The following LHPP variants were observed in gnomAD, a reference collection of about 807,000 sequenced individuals.
LHPP encodes the protein hLHPP.
LHPP carries 24 observed loss-of-function variants against 30.3 expected under a neutral mutation model. The ratio of observed to expected loss-of-function variants is 0.79; its 90% CI spans 0.57 to 1.11. The LOEUF (loss-of-function observed/expected upper bound fraction) is 1.11, where lower values mean the gene tolerates loss of function less well. Ranked by LOEUF, LHPP falls within the 50% of genes most tolerant of loss-of-function variation. The pLI, the probability that LHPP is intolerant of heterozygous loss-of-function variation, is 0.00. For missense variants in LHPP, 356 were observed against 367.2 expected (o/e 0.97, Z 0.25); for synonymous variants, 150 against 157.1 (o/e 0.95, Z 0.34).
intron 5 of LHPP, among the ~76,000 whole-genome samples, chr10:124,502,444 A>G (rs1589801487): frequency 6.6e-6 from 1 of 151,508 alleles, no homozygotes; most frequent in South Asian, 2.1e-4. Flanking sequence ...AGCTCACTGC[A>G]AGCTCCGCCT....
chr10:124,554,582 A>G (rs1313450689), intron 6 of LHPP, among the ~76,000 whole-genome samples: 1 of 152,234 alleles, frequency 6.6e-6, no homozygotes, highest in African/African-American at 2.4e-5. Flanking sequence ...CCACTGCTTC[A>G]TTAATGCTGC....
chr10:124,504,591 C>A (rs1465538743), intron 5 of LHPP, among the ~76,000 whole-genome samples: 4 of 143,356 alleles, frequency 2.8e-5, no homozygotes, highest in Non-Finnish European at 6.0e-5. Flanking sequence ...CTGAGCGAGA[C>A]CCTGTCTCAA....
intron 6 of LHPP, among the ~76,000 whole-genome samples, chr10:124,565,393 C>T (rs1337142740): frequency 2.0e-5 from 3 of 152,158 alleles, no homozygotes; most frequent in Non-Finnish European, 4.4e-5. Flanking sequence ...CCGTGCAGGC[C>T]ATAGTCCCCA....
chr10:124,515,023 G>C (rs947573587), intron 5 of LHPP, among the ~76,000 whole-genome samples: 1 of 151,702 alleles, frequency 6.6e-6, no homozygotes, highest in South Asian at 2.1e-4. Flanking sequence ...GCTGGCCTTG[G>C]ACTCCTGGGC....
chr10:124,559,297 C>G (rs1948354020), intron 6 of LHPP, among the ~76,000 whole-genome samples: 1 of 152,242 alleles, frequency 6.6e-6, no homozygotes, highest in Non-Finnish European at 1.5e-5. Flanking sequence ...CTGAGTTGGC[C>G]TGGATATTGG....
In LHPP at chr10:124,488,412, C is replaced by G. The variant is rs200898551; in HGVS notation, c.314-10C>G. 3.1e-5 allele frequency: 50 copies of G among 1,613,622 alleles called. No homozygotes were observed. The African/African-American group carries it at 5.1e-4, about 16-fold the overall frequency. On this transcript the variant is annotated splice_polypyrimidine_tract_variant and intron_variant, in intron 2 of 6. Coordinates refer to ENST00000368842, the MANE Select transcript of LHPP (RefSeq NM_022126.4). ...GCTCCGTGGCACTCTGTCTCTCTCTCTCTTTCCAGGAGTCCGCTCAGAATT... is the reference window on the plus strand; with the variant it reads ...GCTCCGTGGCACTCTGTCTCTCTCTGTCTTTCCAGGAGTCCGCTCAGAATT...
intron 6 of LHPP, among the ~76,000 whole-genome samples, chr10:124,519,231 A>G (rs557579758): frequency 9.8e-5 from 15 of 152,312 alleles, no homozygotes; most frequent in African/African-American, 3.6e-4. Flanking sequence ...TATACGCGTG[A>G]GCCACCGCGC....
chr10:124,544,757 C>T (rs1221923012), intron 6 of LHPP, among the ~76,000 whole-genome samples: 2 of 152,194 alleles, frequency 1.3e-5, no homozygotes, highest in South Asian at 2.1e-4. Flanking sequence ...GCCCCCGTCA[C>T]GGGACCTCAC....
chr10:124,608,623 G>GT (rs1398191825), intron 6 of LHPP, among the ~76,000 whole-genome samples: 3 of 152,334 alleles, frequency 2.0e-5, no homozygotes, highest in East Asian at 1.9e-4. Context: ...GCAGAGAGGT[G>GT]TTTTGCCAGG....
At chr10:124,610,323 C>T (rs868121583) in intron 6 of LHPP, among the ~76,000 whole-genome samples, 4 of 94,526 alleles carry the variant, frequency 4.2e-5, no homozygotes, top group Admixed American at 2.3e-4. Context: ...GGTGTGGGTG[C>T]GGGTGAGGGT....
intron 6 of LHPP, among the ~76,000 whole-genome samples, chr10:124,547,513 T>G (rs1955378769): frequency 6.6e-6 from 1 of 152,232 alleles, no homozygotes; most frequent in Admixed American, 6.5e-5. Context: ...TAGGGTGAGC[T>G]TCTGTCTCCC....
chr10:124,607,035 G>A (rs1412809162), intron 6 of LHPP, among the ~76,000 whole-genome samples: 6 of 151,966 alleles, frequency 3.9e-5, no homozygotes, highest in East Asian at 3.9e-4. Flanking sequence ...CCCTCCCTCC[G>A]TGTGTGGCCG....
chr10:124,469,180 A>T (rs941781455), intron 1 of LHPP, among the ~76,000 whole-genome samples: 1 of 152,060 alleles, frequency 6.6e-6, no homozygotes, highest in Non-Finnish European at 1.5e-5. Flanking sequence ...CGCAGAGGGA[A>T]AAGTGTGATT....
chr10:124,513,068 C>T lies in LHPP; in HGVS notation c.625-4112C>T, dbSNP rs1003593238. Among the ~76,000 whole-genome samples, 3 of 139,388 alleles carry T rather than the reference C, an allele frequency of 2.2e-5. No homozygotes were observed. In the South Asian group the frequency reaches 7.1e-4, roughly 33 times the overall value. The allele number at this position is 139,388 out of a possible 152,430, so 91.4% of individuals were successfully genotyped here. On this transcript the variant is annotated intron_variant, in intron 5 of 6. Coordinates refer to ENST00000368842, the MANE Select transcript of LHPP (RefSeq NM_022126.4). ...TAGCATCTGAATTCCAGTGAGAAGACATGTAGTTTGTTTGTTTGTTTGTTT... is the reference window on the plus strand; with the variant it reads ...TAGCATCTGAATTCCAGTGAGAAGATATGTAGTTTGTTTGTTTGTTTGTTT...
chr10:124,468,077 G>T (rs918973253), intron 1 of LHPP, among the ~76,000 whole-genome samples: 23 of 152,260 alleles, frequency 1.5e-4, no homozygotes, highest in Middle Eastern at 3.4e-3. Context: ...CAGGGAGAAG[G>T]GGGTGTTGGG....
chr10:124,587,901 T>C (rs917367543), intron 6 of LHPP, among the ~76,000 whole-genome samples: 1 of 152,030 alleles, frequency 6.6e-6, no homozygotes, highest in Non-Finnish European at 1.5e-5. Context: ...GAATGCAGGT[T>C]GGGGGACAGG....
chr10:124,587,738 TAAAAAAAA>T (rs747954796), intron 6 of LHPP, among the ~76,000 whole-genome samples: 79 of 53,012 alleles, frequency 1.5e-3, no homozygotes, highest in African/African-American at 4.2e-3. Flanking sequence ...AGACTCCATC[TAAAAAAAA>T]AAAAAAAAAA....
rs1475646713 is a variant in LHPP at position 124,471,496 on chromosome 10, ATATT to A, written c.125+9513_125+9516del. Among the ~76,000 whole-genome samples, 9 of 5,598 alleles carry A rather than the reference ATATT, an allele frequency of 1.6e-3. 1 individual carries two copies. Among genetic ancestry groups the A allele is most frequent in the African/African-American group, 3.0e-3 (9 of 3,016 alleles). The allele number at this position is 5,598 out of a possible 152,430, so 3.7% of individuals were successfully genotyped here. A position where few individuals can be genotyped will look rare whatever the true frequency, so the allele number is the denominator to read the frequency against. ...ATTATATATATTTATATATTTATAT[ATATT>A]TATATATTATATATATTTATATATT... On this transcript the variant is annotated intron_variant, in intron 1 of 6. Transcript: ENST00000368842.
At chr10:124,571,628 T>A (rs1948585280) in intron 6 of LHPP, among the ~76,000 whole-genome samples, 1 of 152,234 alleles carries the variant, frequency 6.6e-6, no homozygotes, top group Non-Finnish European at 1.5e-5. Context: ...GTGACTCTGG[T>A]AATGCAGTCC....
Sources: allele counts gnomAD v4.1 joint callset (sites outside exome capture counted in the v4.1 genomes callset), GRCh38; gene constraint gnomAD v4.1.1; transcripts MANE v1.5; gene names NCBI Gene and HGNC (gene_info 2026-07-23, HGNC 2026-07-21).